The following DOCK9 variants were observed in gnomAD, a reference collection of about 807,000 sequenced individuals.
The protein encoded by DOCK9 is dedicator of cytokinesis 9.
In DOCK9, 89 loss-of-function variants were observed where a neutral mutation model predicts 263.3. That is an observed-to-expected ratio of 0.34 (90% confidence interval 0.28 to 0.40). DOCK9 has a LOEUF of 0.40. DOCK9 is among the 10% of genes least tolerant of loss of function. The probability of loss-of-function intolerance (pLI) is 1.00; values close to 1 mark genes in which losing one functional copy is unlikely to be tolerated. For synonymous variants in DOCK9, 976 were observed against 973.1 expected, an observed-to-expected ratio of 1.00 and a Z score of -0.06; for missense variants, 2,140 against 2,603.4, an observed-to-expected ratio of 0.82 and a Z score of 3.87.
chr13:98,853,392 C>T lies in DOCK9; in HGVS notation c.3946+16G>A. 1 of 1,550,304 alleles carries T rather than the reference C, an allele frequency of 6.5e-7. No homozygotes were observed. Among genetic ancestry groups the T allele is most frequent in the African/African-American group, 1.4e-5 (1 of 73,038 alleles). On this transcript the variant is annotated intron_variant, in intron 35 of 52. Coordinates refer to ENST00000682017, the MANE Select transcript of DOCK9 (RefSeq NM_001366683.2). Reference sequence around the variant, plus strand: ...GCTGAAACGAGCAAAACAGAAATCTCCATTTTTTAACCTACCATCAGACAT... The same window carrying T: ...GCTGAAACGAGCAAAACAGAAATCTTCATTTTTTAACCTACCATCAGACAT...
intron 1 of DOCK9, among the ~76,000 whole-genome samples, chr13:98,971,841 G>A (rs2141359114): frequency 6.6e-6 from 1 of 152,320 alleles, no homozygotes; most frequent in East Asian, 1.9e-4. Context: ...CCTGACGGCA[G>A]CTCTATTTCA....
At chr13:98,819,279 C>T (rs1444754588) in intron 45 of DOCK9, among the ~76,000 whole-genome samples, 1 of 152,228 alleles carries the variant, frequency 6.6e-6, no homozygotes, top group African/African-American at 2.4e-5. Flanking sequence ...GGATGAAAAT[C>T]TCTGAGGCAG....
intron 1 of DOCK9, among the ~76,000 whole-genome samples, chr13:98,986,155 G>A (rs1310138724): frequency 2.0e-5 from 3 of 152,202 alleles, no homozygotes; most frequent in East Asian, 1.9e-4. Flanking sequence ...GCAACCTAGC[G>A]GAAAACACAA....
intron 21 of DOCK9, 45 bp from the exon 22 acceptor site, chr13:98,883,944 T>C (rs1469121203): frequency 7.0e-7 from 1 of 1,434,792 alleles, no homozygotes. Flanking sequence ...GATTAGTTAT[T>C]TTGGCTCTAA....
At position 98,828,728 on chromosome 13, in the gene DOCK9, T is replaced by G. The variant is rs2092644813; in HGVS notation, c.4965+579A>C. 2.0e-5 allele frequency among the ~76,000 whole-genome samples: 3 copies of G among 152,216 alleles called. No homozygotes were observed. The South Asian group carries it at 6.2e-4, about 32-fold the overall frequency. On this transcript the variant is annotated intron_variant, in intron 43 of 52. Coordinates refer to ENST00000682017, the MANE Select transcript of DOCK9 (RefSeq NM_001366683.2). ...TCAATTCCCCATTTTACAGATGATGTCATTGAGCAATAGAGGGGTTAAAAA... is the reference window on the plus strand; with the variant it reads ...TCAATTCCCCATTTTACAGATGATGGCATTGAGCAATAGAGGGGTTAAAAA...
intron 43 of DOCK9, among the ~76,000 whole-genome samples, chr13:98,827,113 C>T (rs2140836962): frequency 6.6e-6 from 1 of 152,262 alleles, no homozygotes; most frequent in African/African-American, 2.4e-5. Flanking sequence ...AGTAAATTTG[C>T]TAAGGCTTTT....
At chr13:99,068,090 AT>A (rs2041505532) in intron 1 of DOCK9, among the ~76,000 whole-genome samples, 1 of 152,138 alleles carries the variant, frequency 6.6e-6, no homozygotes, top group South Asian at 2.1e-4. Flanking sequence ...AGACCAGGAT[AT>A]GGAATCACCA....
intron 1 of DOCK9, among the ~76,000 whole-genome samples, chr13:98,962,918 A>G (rs2058808134): frequency 6.6e-6 from 1 of 152,158 alleles, no homozygotes; most frequent in African/African-American, 2.4e-5. Context: ...ACCCCCTCCC[A>G]TTAGGGCAGC....
intron 1 of DOCK9, among the ~76,000 whole-genome samples, chr13:99,013,899 C>G (rs9517545): frequency 0.52 from 79,542 of 151,998 alleles, 21,096 homozygotes; most frequent in South Asian, 0.68. Flanking sequence ...CAGAGGGCAA[C>G]GACACCAACA....
At chr13:98,934,857 C>A (rs1395855136) in intron 2 of DOCK9, among the ~76,000 whole-genome samples, 1 of 152,352 alleles carries the variant, frequency 6.6e-6, no homozygotes, top group East Asian at 1.9e-4. Flanking sequence ...ACCCATTCAT[C>A]TATCCATCTA....
intron 1 of DOCK9, chr13:99,015,312 G>T: frequency 1.5e-6 from 1 of 661,266 alleles, no homozygotes; most frequent in South Asian, 4.1e-5. Flanking sequence ...TAAACTTAAG[G>T]CCACTAATTA....
intron 38 of DOCK9, among the ~76,000 whole-genome samples, chr13:98,843,197 T>G (rs1159203714): frequency 6.6e-6 from 1 of 152,234 alleles, no homozygotes; most frequent in Non-Finnish European, 1.5e-5. Context: ...CATTTTGGAC[T>G]CCTGGGGTTC....
intron 26 of DOCK9, 92 bp downstream of exon 26, chr13:98,880,455 A>G: frequency 1.9e-6 from 3 of 1,545,184 alleles, no homozygotes; most frequent in Non-Finnish European, 1.8e-6. Flanking sequence ...GTTTGTCTCT[A>G]AGAGCACTCA....
rs772474117 is a variant in DOCK9 at position 98,888,384 on chromosome 13, G to A, written c.1953C>T (p.Tyr651=). 3.5e-5 allele frequency: 56 copies of A among 1,613,442 alleles called. No individual in the cohort carries two copies. The highest frequency in any genetic ancestry group is 1.6e-4 in the Middle Eastern group (1 of 6,080). ...CCTTGGCAAAAGACTTCTGACTGTC[G>A]TATTTCAAGTACTTAGGATAAACGT... is the stretch of plus-strand genomic sequence containing the variant. ...HLYVYPKYLK[Y]DSQKSFAKAR... is the part of the protein sequence containing the mutation. The change falls in exon 17 of 53, where the codon TAC becomes TAT. Residue 651 remains tyrosine (Y), a synonymous_variant. Coordinates refer to ENST00000682017, the MANE Select transcript of DOCK9 (RefSeq NM_001366683.2).
Position 98,883,045 on chromosome 13 carries a change from A to G in DOCK9, c.2556T>C (p.Leu852=). ...TACTAAGAAAGCCATGTGATACCTT[A>G]AGGTACTTTACAAGTTCGTTTCCTA... ...QALGNELVKY[L]KSLHAMEGHV... The change falls in exon 23 of 53, where the codon CTT becomes CTC. Residue 852 remains leucine (L), a synonymous_variant. Transcript: ENST00000682017. 6.2e-7 allele frequency: 1 copy of G among 1,613,242 alleles called. No individual in the cohort carries two copies. Among genetic ancestry groups the G allele is most frequent in the Non-Finnish European group, 8.5e-7 (1 of 1,179,606 alleles).
intron 38 of DOCK9, among the ~76,000 whole-genome samples, chr13:98,842,612 C>T (rs1219167746): frequency 6.6e-6 from 1 of 152,166 alleles, no homozygotes; most frequent in Non-Finnish European, 1.5e-5. Flanking sequence ...ACACATTTCA[C>T]TAAGTTTTCA....
At chr13:98,836,896 G>C (rs2093021803) in intron 39 of DOCK9, among the ~76,000 whole-genome samples, 1 of 151,928 alleles carries the variant, frequency 6.6e-6, no homozygotes, top group Non-Finnish European at 1.5e-5. Flanking sequence ...TTCTATGCTA[G>C]AAATGGAAGT....
chr13:99,064,080 C>T (rs1325172952), intron 1 of DOCK9, among the ~76,000 whole-genome samples: 2 of 152,214 alleles, frequency 1.3e-5, no homozygotes, highest in African/African-American at 4.8e-5. Flanking sequence ...CTCATCTTCT[C>T]TCTTCACCAG....
intron 15 of DOCK9, among the ~76,000 whole-genome samples, chr13:98,892,352 C>T (rs552386174): frequency 1.3e-5 from 2 of 152,248 alleles, no homozygotes; most frequent in South Asian, 4.1e-4. Context: ...TTTCTGCAGC[C>T]GGTCTTCCCT....
Sources: allele counts gnomAD v4.1 joint callset (sites outside exome capture counted in the v4.1 genomes callset), GRCh38; gene constraint gnomAD v4.1.1; transcripts MANE v1.5; gene names NCBI Gene and HGNC (gene_info 2026-07-23, HGNC 2026-07-21).